Variants in CLNK observed in about 807,000 individuals in gnomAD.
CLNK encodes the protein cytokine-dependent hematopoietic cell linker.
A neutral mutation model predicts 68.6 loss-of-function variants in CLNK; 74 were observed. The ratio of observed to expected loss-of-function variants is 1.08; its 90% confidence interval spans 0.89 to 1.31. The LOEUF (loss-of-function observed/expected upper bound fraction) is 1.31, where lower values mean the gene tolerates loss of function less well. Ranked by LOEUF, CLNK falls within the 50% of genes most tolerant of loss-of-function variation. CLNK has a pLI of 0.00. For synonymous variants in CLNK, 198 were observed against 172.2 expected (o/e 1.15, Z -1.17); for missense variants, 553 against 515.3 (o/e 1.07, Z -0.71).
the CLNK span, among the ~76,000 whole-genome samples, chr4:10,701,009 C>A: frequency 6.6e-6 from 1 of 152,022 alleles, no homozygotes; most frequent in Non-Finnish European, 1.5e-5. Context: ...TCACCGTCTG[C>A]ACCCGTAAAA....
chr4:10,726,376 C>T, the CLNK span, among the ~76,000 whole-genome samples: 223 of 152,308 alleles, frequency 1.5e-3, no homozygotes, highest in African/African-American at 5.3e-3. Flanking sequence ...GACTTGGCCT[C>T]CCAAAGTGCT....
chr4:10,654,956 G>T (rs1309607996), intron 2 of CLNK, among the ~76,000 whole-genome samples: 3 of 151,816 alleles, frequency 2.0e-5, no homozygotes, highest in Admixed American at 6.6e-5. Flanking sequence ...TAAAAAATTA[G>T]CTGGGCGCGG....
intron 2 of CLNK, among the ~76,000 whole-genome samples, chr4:10,605,336 T>C (rs1185342769): frequency 6.6e-6 from 1 of 152,184 alleles, no homozygotes; most frequent in East Asian, 1.9e-4. Context: ...TCGTAGAGTG[T>C]ACTTACACAA....
At chr4:10,610,323 C>G (rs1392466982) in intron 2 of CLNK, among the ~76,000 whole-genome samples, 2 of 150,062 alleles carry the variant, frequency 1.3e-5, no homozygotes, top group Admixed American at 6.6e-5. Context: ...GGATTACAGG[C>G]GTGAGCCACC....
At chr4:10,608,996 G>A (rs1050436744) in intron 2 of CLNK, among the ~76,000 whole-genome samples, 3 of 152,142 alleles carry the variant, frequency 2.0e-5, no homozygotes, top group Admixed American at 1.3e-4. Flanking sequence ...GGGCCTCAAG[G>A]GCCCCACTTA....
At chr4:10,603,709 T>C (rs1316560292) in intron 2 of CLNK, among the ~76,000 whole-genome samples, 7 of 152,060 alleles carry the variant, frequency 4.6e-5, no homozygotes, top group East Asian at 1.9e-4. Flanking sequence ...GAGTATCCCA[T>C]GTTGGGGTGG....
At chr4:10,683,178 G>A (rs1042232526) in intron 1 of CLNK, among the ~76,000 whole-genome samples, 10 of 152,182 alleles carry the variant, frequency 6.6e-5, no homozygotes, top group African/African-American at 2.2e-4. Flanking sequence ...CCTGGTCCAA[G>A]TGGCAGAGTC....
At chr4:10,701,688 G>T in the CLNK span, among the ~76,000 whole-genome samples, 27 of 152,322 alleles carry the variant, frequency 1.8e-4, no homozygotes, top group Admixed American at 3.9e-4. Context: ...TAGCTCATTT[G>T]ATCCTTACAA....
At chr4:10,644,297 G>A (rs1414049739) in intron 2 of CLNK, among the ~76,000 whole-genome samples, 1 of 152,216 alleles carries the variant, frequency 6.6e-6, no homozygotes, top group Non-Finnish European at 1.5e-5. Context: ...GAGGACAAAA[G>A]AGCAATGACT....
chr4:10,596,675 T>C (rs1357045825), intron 3 of CLNK, among the ~76,000 whole-genome samples: 1 of 98,884 alleles, frequency 1.0e-5, no homozygotes, highest in Admixed American at 9.7e-5. Context: ...TATGTCTATG[T>C]TTTTTTTTAA....
At chr4:10,673,090 A>G (rs904783442) in intron 1 of CLNK, among the ~76,000 whole-genome samples, 2 of 152,188 alleles carry the variant, frequency 1.3e-5, no homozygotes, top group Admixed American at 6.5e-5. Flanking sequence ...TCAAGCATCA[A>G]TTTCTCTCTC....
Position 10,570,532 on chromosome 4 carries a change from C to T in CLNK, c.150+1209G>A, listed in dbSNP as rs575762353. ...GGTTCAATATTCTTTACCCATGAAC[C>T]TTTTAATTTTTACAATTTTTGTGTG... On this transcript the variant is annotated intron_variant, in intron 5 of 18. Transcript: ENST00000226951. Among the ~76,000 whole-genome samples the T allele has an allele frequency of 2.6e-5, 4 of 152,108 alleles. No homozygotes were observed. In the South Asian group the frequency reaches 8.3e-4, roughly 32 times the overall value.
At chr4:10,697,302 G>C in the CLNK span, 1 of 152,148 alleles carries the variant, frequency 6.6e-6, no homozygotes, top group South Asian at 2.1e-4. Flanking sequence ...TTTTACTGTG[G>C]TTCATTTAAC....
chr4:10,669,513 A>T (rs575314808), intron 1 of CLNK, among the ~76,000 whole-genome samples: 2 of 152,330 alleles, frequency 1.3e-5, no homozygotes, highest in African/African-American at 4.8e-5. Context: ...ATATTGTGCC[A>T]GAGTGGCTTT....
At chr4:10,610,345 G>GTT (rs745903587) in intron 2 of CLNK, among the ~76,000 whole-genome samples, 25 of 142,152 alleles carry the variant, frequency 1.8e-4, no homozygotes, top group Admixed American at 2.8e-4. Context: ...CGCCCGGCCC[G>GTT]TTTTTTTTTT....
At chr4:10,597,541 AT>A (rs1186137373) in intron 3 of CLNK, among the ~76,000 whole-genome samples, 1 of 152,196 alleles carries the variant, frequency 6.6e-6, no homozygotes, top group Non-Finnish European at 1.5e-5. Flanking sequence ...AGCAAATGTT[AT>A]TCTCAATTGA....
chr4:10,527,977 A>G (rs1718389017), intron 13 of CLNK, 99 bp downstream of exon 13: 1 of 626,468 alleles, frequency 1.6e-6, no homozygotes, highest in South Asian at 6.3e-5. Context: ...CCAGGCTTCC[A>G]AACAATCAAT....
chr4:10,616,931 A>G (rs1291546879), intron 2 of CLNK, among the ~76,000 whole-genome samples: 1 of 151,846 alleles, frequency 6.6e-6, no homozygotes, highest in East Asian at 1.9e-4. Context: ...CTGTGGTAGA[A>G]CGAACTCAGC....
chr4:10,665,955 C>T (rs1309755344), intron 2 of CLNK, among the ~76,000 whole-genome samples: 1 of 152,142 alleles, frequency 6.6e-6, no homozygotes, highest in Non-Finnish European at 1.5e-5. Flanking sequence ...TTCTGACTAT[C>T]CAGGTGACCC....
Sources: allele counts gnomAD v4.1 joint callset (sites outside exome capture counted in the v4.1 genomes callset), GRCh38; gene constraint gnomAD v4.1.1; transcripts MANE v1.5; gene names NCBI Gene and HGNC (gene_info 2026-07-23, HGNC 2026-07-21).